TRAPPC9: variants seen among roughly 807,000 people sequenced by gnomAD.
TRAPPC9 encodes trafficking protein particle complex subunit 9.
A neutral mutation model predicts 124.0 loss-of-function variants in TRAPPC9; 83 were observed. The observed-to-expected ratio is 0.67, with a 90% CI of 0.56 to 0.80. The LOEUF (loss-of-function observed/expected upper bound fraction) is 0.80. Ranked by LOEUF, TRAPPC9 falls within the 30% of genes least tolerant of loss-of-function variation. TRAPPC9 has a pLI of 0.00. For synonymous variants in TRAPPC9, 638 were observed against 617.5 expected, an observed-to-expected ratio of 1.03 and a Z score of -0.49; for missense variants, 1,302 against 1,508.3, an observed-to-expected ratio of 0.86 and a Z score of 2.27.
intron 16 of TRAPPC9, among the ~76,000 whole-genome samples, chr8:140,230,464 T>C (rs1327970853): frequency 6.6e-6 from 1 of 151,868 alleles, no homozygotes; most frequent in African/African-American, 2.4e-5. Flanking sequence ...CAAAAAAAAT[T>C]AGCTGGGCAT....
chr8:139,830,509 TACAC>T (rs1198589668), intron 21 of TRAPPC9, among the ~76,000 whole-genome samples: 4 of 148,482 alleles, frequency 2.7e-5, no homozygotes, highest in Non-Finnish European at 3.0e-5. Flanking sequence ...GATGCACACA[TACAC>T]ACATGAATAC....
intron 18 of TRAPPC9, among the ~76,000 whole-genome samples, chr8:140,013,035 T>C (rs532500087): frequency 1.9e-4 from 29 of 152,222 alleles, no homozygotes; most frequent in African/African-American, 6.7e-4. Context: ...CCTCAACACC[T>C]ACATGCACAG....
intron 11 of TRAPPC9, among the ~76,000 whole-genome samples, chr8:140,299,321 G>A (rs1448703095): frequency 6.6e-6 from 1 of 152,164 alleles, no homozygotes; most frequent in African/African-American, 2.4e-5. Flanking sequence ...GTCAGGGAGC[G>A]CCTGCAGTCC....
chr8:140,397,834 C>T, intron 6 of TRAPPC9, 89 bp from the exon 7 acceptor site: 1 of 1,547,770 alleles, frequency 6.5e-7, no homozygotes, highest in Non-Finnish European at 8.8e-7. Context: ...GACTCAATAA[C>T]TACAACAGCA....
chr8:139,889,090 C>T lies in TRAPPC9; in HGVS notation c.2965-3121G>A, dbSNP rs540632789. Among the ~76,000 whole-genome samples, 67 of 152,294 alleles carry T rather than the reference C, an allele frequency of 4.4e-4. 1 individual carries two copies. Among genetic ancestry groups the T allele is most frequent in the Non-Finnish European group, 7.6e-4 (52 of 68,028 alleles). On this transcript the variant is annotated intron_variant, in intron 20 of 22. Transcript: ENST00000438773. ...ATGAATCAACAAAATGTGGTCTATC[C>T]GCAAAATGGAATGTTATTCGGCCCT...
intron 21 of TRAPPC9, among the ~76,000 whole-genome samples, chr8:139,750,096 A>T (rs760920830): frequency 6.6e-6 from 1 of 152,034 alleles, no homozygotes; most frequent in African/African-American, 2.4e-5. Flanking sequence ...TGGATACAGG[A>T]GGGTCCACAG....
intron 18 of TRAPPC9, among the ~76,000 whole-genome samples, chr8:140,009,954 C>T (rs961410018): frequency 2.0e-5 from 3 of 152,122 alleles, no homozygotes; most frequent in African/African-American, 4.8e-5. Flanking sequence ...GGAAGATGAA[C>T]GCTATGCTGG....
intron 21 of TRAPPC9, among the ~76,000 whole-genome samples, chr8:139,756,530 T>A (rs1819804971): frequency 7.1e-6 from 1 of 141,716 alleles, no homozygotes; most frequent in African/African-American, 2.7e-5. Flanking sequence ...GGACAGCAGG[T>A]CGCAGGAGGA....
At chr8:139,807,550 T>C (rs1471236594) in intron 21 of TRAPPC9, among the ~76,000 whole-genome samples, 1 of 152,092 alleles carries the variant, frequency 6.6e-6, no homozygotes, top group Non-Finnish European at 1.5e-5. Flanking sequence ...GAAAACGCAA[T>C]GAACAGCACA....
At chr8:140,162,592 G>A (rs974232299) in intron 17 of TRAPPC9, among the ~76,000 whole-genome samples, 1 of 152,186 alleles carries the variant, frequency 6.6e-6, no homozygotes, top group Non-Finnish European at 1.5e-5. Flanking sequence ...TTCAGTTGAG[G>A]GGAAGAGGGC....
At chr8:140,018,258 C>T (rs1839597801) in intron 18 of TRAPPC9, among the ~76,000 whole-genome samples, 1 of 151,122 alleles carries the variant, frequency 6.6e-6, no homozygotes, top group African/African-American at 2.4e-5. Context: ...TTTGATTCTA[C>T]TGCATATATT....
At chr8:139,802,517 G>A (rs1244009013) in intron 21 of TRAPPC9, among the ~76,000 whole-genome samples, 1 of 152,214 alleles carries the variant, frequency 6.6e-6, no homozygotes, top group African/African-American at 2.4e-5. Context: ...TTGGCCCTCT[G>A]ACTCAGTTCC....
At position 140,194,389 on chromosome 8, in the gene TRAPPC9, C is replaced by G. The variant is rs75679391; in HGVS notation, c.2556+27070G>C. Among the ~76,000 whole-genome samples, 171 of 152,208 alleles carry G rather than the reference C, an allele frequency of 1.1e-3. 1 individual carries two copies. Among genetic ancestry groups the G allele is most frequent in the African/African-American group, 3.5e-3 (146 of 41,514 alleles). ...CATGCACATCCTTCTGTATAACTTA[C>G]TCTCTAGATTTATTATACCTAATAA... is the stretch of plus-strand genomic sequence containing the variant. On this transcript the variant is annotated intron_variant, in intron 17 of 22. Transcript: ENST00000438773.
intron 20 of TRAPPC9, among the ~76,000 whole-genome samples, chr8:139,896,117 A>G (rs542857016): frequency 2.0e-5 from 3 of 152,242 alleles, no homozygotes; most frequent in African/African-American, 7.2e-5. Flanking sequence ...ACCTGCATGC[A>G]TATCCGACTT....
chr8:139,874,687 C>A (rs1019913713), intron 21 of TRAPPC9, among the ~76,000 whole-genome samples: 1 of 152,140 alleles, frequency 6.6e-6, no homozygotes, highest in African/African-American at 2.4e-5. Flanking sequence ...GATAGACAGG[C>A]CCAGGGAAGG....
chr8:140,139,288 G>T (rs1257404802), intron 17 of TRAPPC9, among the ~76,000 whole-genome samples: 1 of 151,980 alleles, frequency 6.6e-6, no homozygotes, highest in African/African-American at 2.4e-5. Context: ...CTCAGATTTT[G>T]TGAAACCCTC....
At chr8:139,939,935 A>C (rs1833800098) in intron 19 of TRAPPC9, among the ~76,000 whole-genome samples, 1 of 152,244 alleles carries the variant, frequency 6.6e-6, no homozygotes, top group Admixed American at 6.5e-5. Flanking sequence ...GGCTCTGCAC[A>C]GCTCCAGCTC....
At chr8:140,105,671 T>A (rs2060650885) in intron 17 of TRAPPC9, among the ~76,000 whole-genome samples, 1 of 152,176 alleles carries the variant, frequency 6.6e-6, no homozygotes, top group African/African-American at 2.4e-5. Context: ...TAGCAGTACC[T>A]CCTCTGTGAA....
intron 17 of TRAPPC9, among the ~76,000 whole-genome samples, chr8:140,168,702 G>A (rs1445123626): frequency 1.3e-5 from 2 of 152,338 alleles, no homozygotes; most frequent in South Asian, 2.1e-4. Flanking sequence ...AGGGCCAGGA[G>A]AGGTGGTGCT....
Sources: allele counts gnomAD v4.1 joint callset (sites outside exome capture counted in the v4.1 genomes callset), GRCh38; gene constraint gnomAD v4.1.1; transcripts MANE v1.5; gene names NCBI Gene and HGNC (gene_info 2026-07-23, HGNC 2026-07-21).